Variants in SCHIP1 observed in about 807,000 individuals in gnomAD.
The protein encoded by SCHIP1 is schwannomin-interacting protein 1.
Under a neutral mutation model 29.7 loss-of-function variants are expected in SCHIP1, and 8 were observed. The ratio of observed to expected loss-of-function variants is 0.27; its 90% CI spans 0.16 to 0.49. The LOEUF (loss-of-function observed/expected upper bound fraction) is 0.49. SCHIP1 is among the 20% of genes least tolerant of loss of function. The pLI is 0.99. For synonymous variants in SCHIP1, 76 were observed against 94.9 expected, an observed-to-expected ratio of 0.80 and a Z score of 1.16; for missense variants, 193 against 294.6, an observed-to-expected ratio of 0.66 and a Z score of 2.52.
the SCHIP1 span, among the ~76,000 whole-genome samples, chr3:159,602,132 T>A: frequency 6.6e-6 from 1 of 152,314 alleles, no homozygotes; most frequent in South Asian, 2.1e-4. Context: ...GGTAGAAATA[T>A]GGACTGCTGA....
chr3:159,370,991 T>G, the SCHIP1 span, among the ~76,000 whole-genome samples: 1 of 152,322 alleles, frequency 6.6e-6, no homozygotes, highest in East Asian at 1.9e-4. Context: ...CTCATAATCT[T>G]CTTTTAGGTT....
At chr3:159,351,235 C>A in the SCHIP1 span, among the ~76,000 whole-genome samples, 1 of 152,076 alleles carries the variant, frequency 6.6e-6, no homozygotes, top group Non-Finnish European at 1.5e-5. Context: ...GTTTCCCAGG[C>A]AATATTGCAG....
At chr3:159,591,680 A>G in the SCHIP1 span, among the ~76,000 whole-genome samples, 39 of 152,264 alleles carry the variant, frequency 2.6e-4, no homozygotes, top group African/African-American at 8.7e-4. Context: ...AGAAAACCAA[A>G]CACCACATGT....
chr3:159,306,642 T>C, the SCHIP1 span: 12 of 680,710 alleles, frequency 1.8e-5, no homozygotes, highest in Non-Finnish European at 2.2e-5. Flanking sequence ...TTTCTAATAA[T>C]GTTTTAAGGA....
At chr3:159,784,075 T>C in the SCHIP1 span, among the ~76,000 whole-genome samples, 75 of 152,216 alleles carry the variant, frequency 4.9e-4, no homozygotes, top group African/African-American at 1.7e-3. Context: ...GATGATTGGA[T>C]TGGGGAGTCT....
At chr3:159,401,834 A>G in the SCHIP1 span, among the ~76,000 whole-genome samples, 5,100 of 152,172 alleles carry the variant, frequency 0.034, 112 homozygotes, top group East Asian at 0.11. Flanking sequence ...TTTGTATAAG[A>G]TATAAGGAAG....
the SCHIP1 span, among the ~76,000 whole-genome samples, chr3:159,769,425 G>T: frequency 2.0e-5 from 3 of 152,284 alleles, no homozygotes; most frequent in African/African-American, 7.2e-5. Context: ...TGTCTCTGGA[G>T]ACTCAGCCTA....
At chr3:159,648,147 C>T in the SCHIP1 span, among the ~76,000 whole-genome samples, 2 of 152,170 alleles carry the variant, frequency 1.3e-5, no homozygotes, top group African/African-American at 4.8e-5. Flanking sequence ...CTATCCCAGG[C>T]ACACTCCTCT....
chr3:159,635,763 C>T, the SCHIP1 span, among the ~76,000 whole-genome samples: 6 of 152,074 alleles, frequency 3.9e-5, no homozygotes, highest in Non-Finnish European at 5.9e-5. Context: ...GAAAACATAC[C>T]GAAACTTAGG....
At chr3:159,452,371 A>T in the SCHIP1 span, among the ~76,000 whole-genome samples, 2 of 151,406 alleles carry the variant, frequency 1.3e-5, no homozygotes, top group African/African-American at 2.4e-5. Flanking sequence ...CCATTGTTCA[A>T]CTCCCACTTA....
the SCHIP1 span, among the ~76,000 whole-genome samples, chr3:159,533,233 G>A: frequency 6.6e-6 from 1 of 152,154 alleles, no homozygotes; most frequent in African/African-American, 2.4e-5. Context: ...ACAGTAGGTG[G>A]GGTCAAGGCA....
chr3:159,615,072 GC>G, the SCHIP1 span, among the ~76,000 whole-genome samples: 2 of 152,198 alleles, frequency 1.3e-5, no homozygotes, highest in African/African-American at 2.4e-5. Context: ...AAGGTACAAT[GC>G]TTTGGTTAAC....
chr3:159,832,871 A>G, the SCHIP1 span, among the ~76,000 whole-genome samples: 2 of 152,208 alleles, frequency 1.3e-5, no homozygotes, highest in Non-Finnish European at 2.9e-5. Flanking sequence ...ATATTAAGCT[A>G]TTTTGAGAGA....
chr3:159,624,858 A>T, the SCHIP1 span, among the ~76,000 whole-genome samples: 1 of 152,104 alleles, frequency 6.6e-6, no homozygotes, highest in East Asian at 1.9e-4. Context: ...GGCTTTGGCA[A>T]TCTCCCTGGA....
chr3:159,835,315 A>G (rs1354052640), upstream of SCHIP1, among the ~76,000 whole-genome samples: 1 of 152,238 alleles, frequency 6.6e-6, no homozygotes, highest in Non-Finnish European at 1.5e-5. Flanking sequence ...AAAGTGAGTA[A>G]CTGGGGTCAG....
the SCHIP1 span, among the ~76,000 whole-genome samples, chr3:159,670,772 C>T: frequency 6.6e-6 from 1 of 152,078 alleles, no homozygotes; most frequent in East Asian, 1.9e-4. Flanking sequence ...TCTCAAACAA[C>T]CCCATCCTCC....
the SCHIP1 span, among the ~76,000 whole-genome samples, chr3:159,277,142 C>T: frequency 8.5e-5 from 13 of 152,084 alleles, no homozygotes; most frequent in African/African-American, 2.9e-4. Context: ...CTGTGCACCA[C>T]AATGGCAGGA....
intron 1 of SCHIP1, among the ~76,000 whole-genome samples, chr3:159,863,369 T>C (rs1714261764): frequency 6.6e-6 from 1 of 151,988 alleles, no homozygotes; most frequent in Non-Finnish European, 1.5e-5. Context: ...AACTTCCATG[T>C]TATTTTTAAT....
the SCHIP1 span, among the ~76,000 whole-genome samples, chr3:159,662,259 T>C: frequency 6.6e-6 from 1 of 152,228 alleles, no homozygotes; most frequent in Non-Finnish European, 1.5e-5. Flanking sequence ...TACCTGTTTC[T>C]GCAATAAGAA....
Sources: gnomAD v4.1 joint callset for allele counts (sites outside exome capture counted in the v4.1 genomes callset) on GRCh38, gnomAD v4.1.1 for gene constraint, MANE v1.5 for transcripts, NCBI Gene and HGNC (gene_info 2026-07-23, HGNC 2026-07-21) for gene names.